The following KDM4B variants were observed in gnomAD, a reference collection of about 807,000 sequenced individuals.
The protein encoded by KDM4B is lysine demethylase 4B.
Under a neutral mutation model 125.2 loss-of-function variants are expected in KDM4B, and 32 were observed. The observed-to-expected ratio is 0.26, with a 90% CI of 0.19 to 0.34. The LOEUF is 0.34. KDM4B is among the 10% of genes least tolerant of loss of function. The pLI is 1.00. For synonymous variants in KDM4B, 721 were observed against 677.9 expected (o/e 1.06, Z -0.99); for missense variants, 1,190 against 1,577.7 (o/e 0.75, Z 4.16).
chr19:5,131,526 C>T lies in KDM4B; in HGVS notation c.1766C>T (p.Ala589Val), dbSNP rs929402730. Reference sequence around the variant, plus strand: ...GGGGCAGGTCGCATGGAGACCAAAGCCCGGGCCGGAGAGGGGCAGGTGGGG... The same window carrying T: ...GGGGCAGGTCGCATGGAGACCAAAGTCCGGGCCGGAGAGGGGCAGGTGGGG... ...SSGAGRMETK[A>V]RAGEGQAPST... is the part of the protein sequence containing the mutation. Residue 589 changes from alanine (A) to valine (V), a missense_variant, in exon 12 of 23, where the codon GCC becomes GTC. By Grantham distance (64) the Ala-to-Val change is moderately conservative (BLOSUM62 0). Around this residue, in one of 7 missense-constraint regions of KDM4B, gnomAD observed 428 missense variants for 405.1 expected, o/e 1.06. Coordinates refer to ENST00000159111, the MANE Select transcript of KDM4B (RefSeq NM_015015.3). 6.4e-6 allele frequency: 8 copies of T among 1,254,142 alleles called. No homozygotes were observed. Among genetic ancestry groups the T allele is most frequent in the Non-Finnish European group, 7.1e-6 (7 of 986,244 alleles). 77.7% of individuals were successfully genotyped at this position (1,254,142 alleles called of 1,614,324 possible). A position where few individuals can be genotyped will look rare whatever the true frequency, so the allele number is the denominator to read the frequency against.
chr19:5,060,100 T>A (rs2037537512), intron 6 of KDM4B, among the ~76,000 whole-genome samples: 1 of 152,156 alleles, frequency 6.6e-6, no homozygotes, highest in South Asian at 2.1e-4. Context: ...GCTGGGCTCA[T>A]GTGGGAGCTG....
At position 5,002,006 on chromosome 19, in the gene KDM4B, T is replaced by G. The variant is rs532959325; in HGVS notation, c.-108-14251T>G. 2.6e-5 allele frequency among the ~76,000 whole-genome samples: 4 copies of G among 152,068 alleles called. No homozygotes were observed. In the South Asian group the frequency reaches 8.3e-4, roughly 32 times the overall value. On this transcript the variant is annotated intron_variant, in intron 1 of 22. Coordinates refer to ENST00000159111, the MANE Select transcript of KDM4B (RefSeq NM_015015.3). ...TCCTTTGTGTTTTTTTTTTCTTTTT[T>G]TTTCTTTTTGAGACTGAATCTTGTT... is the stretch of plus-strand genomic sequence containing the variant.
At position 5,018,265 on chromosome 19, in the gene KDM4B, T is replaced by A. The variant is rs184651353; in HGVS notation, c.-26+1926T>A. On this transcript the variant is annotated intron_variant, in intron 2 of 22. Transcript: ENST00000159111. ...CTGGTCTCAAATTCCTGGCCTCAAA[T>A]GATCCTCCCACCTCAACCTCCCAAT... 1.5e-3 allele frequency among the ~76,000 whole-genome samples: 226 copies of A among 152,332 alleles called. 2 individuals carry two copies. The highest frequency in any genetic ancestry group is 0.013 in the Admixed American group (205 of 15,302).
chr19:5,014,554 C>T (rs543356210), intron 1 of KDM4B, among the ~76,000 whole-genome samples: 1 of 151,980 alleles, frequency 6.6e-6, no homozygotes, highest in African/African-American at 2.4e-5. Flanking sequence ...GGATTACAGG[C>T]GTGAGCCACC....
At chr19:5,070,818 C>T in intron 6 of KDM4B, 192 bp from the exon 7 acceptor site, 1 of 537,820 alleles carries the variant, frequency 1.9e-6, no homozygotes, top group Middle Eastern at 2.8e-4. Context: ...ACCTGCCCCA[C>T]CTCGCTTCCT....
chr19:5,011,181 G>A (rs917460391), intron 1 of KDM4B, among the ~76,000 whole-genome samples: 5 of 152,130 alleles, frequency 3.3e-5, no homozygotes, highest in African/African-American at 1.2e-4. Flanking sequence ...CCCCAGCCCT[G>A]GAATTGACCA....
intron 9 of KDM4B, among the ~76,000 whole-genome samples, chr19:5,106,118 A>G (rs2039028671): frequency 6.6e-6 from 1 of 152,190 alleles, no homozygotes; most frequent in South Asian, 2.1e-4. Context: ...TCTTCAGGTA[A>G]CAGACACATC....
At position 4,971,895 on chromosome 19, in the gene KDM4B, C is replaced by T. The variant is rs545484952; in HGVS notation, c.-109+2665C>T. Among the ~76,000 whole-genome samples, 23 of 135,070 alleles carry T rather than the reference C, an allele frequency of 1.7e-4. No homozygotes were observed. Among genetic ancestry groups the T allele is most frequent in the African/African-American group, 5.2e-4 (19 of 36,206 alleles). The allele number at this position is 135,070 out of a possible 152,430, so 88.6% of individuals were successfully genotyped here. ...AGCAGATCGGGGGCACTAAATCTTT[C>T]GGAGCCCACTGGGCAGGAGGGGACG... On this transcript the variant is annotated intron_variant, in intron 1 of 22. Coordinates refer to ENST00000159111, the MANE Select transcript of KDM4B (RefSeq NM_015015.3). The surrounding 1 kb of genome is among the most constrained non-coding windows in gnomAD (Gnocchi z 4.1).
chr19:5,030,422 G>A (rs1302664072), intron 2 of KDM4B, among the ~76,000 whole-genome samples: 1 of 152,234 alleles, frequency 6.6e-6, no homozygotes, highest in African/African-American at 2.4e-5. Flanking sequence ...CCAGTCCTGT[G>A]GGGCAGGTGG....
intron 5 of KDM4B, among the ~76,000 whole-genome samples, chr19:5,041,656 C>T (rs555686459): frequency 1.3e-5 from 2 of 152,260 alleles, no homozygotes; most frequent in Admixed American, 6.5e-5. Flanking sequence ...GCTCAGGGCC[C>T]GGAGACACTG....
intron 5 of KDM4B, 49 bp from the exon 6 acceptor site, chr19:5,047,427 G>C (rs2037061102): frequency 3.3e-5 from 51 of 1,537,636 alleles, no homozygotes; most frequent in Non-Finnish European, 4.3e-5. Flanking sequence ...GGGCTCGCAG[G>C]TTCTGGGGGT....
At chr19:5,071,604 C>A (rs181398681) in intron 7 of KDM4B, among the ~76,000 whole-genome samples, 19 of 152,302 alleles carry the variant, frequency 1.2e-4, no homozygotes, top group Admixed American at 1.0e-3. Context: ...CCTGGGGACT[C>A]TTGGGAAAGA....
At chr19:5,015,640 A>G (rs1461935529) in intron 1 of KDM4B, among the ~76,000 whole-genome samples, 1 of 152,174 alleles carries the variant, frequency 6.6e-6, no homozygotes, top group Admixed American at 6.5e-5. Context: ...ACTTGAGGCC[A>G]GGAGCTCGAG....
chr19:5,023,758 ATTTTT>A (rs148293792), intron 2 of KDM4B, among the ~76,000 whole-genome samples: 14 of 89,118 alleles, frequency 1.6e-4, no homozygotes, highest in African/African-American at 4.2e-4. Flanking sequence ...GTCTTTTTGA[ATTTTT>A]TTTTTTTTTT....
intron 11 of KDM4B, among the ~76,000 whole-genome samples, chr19:5,122,302 C>T (rs989092420): frequency 7.2e-5 from 11 of 152,220 alleles, no homozygotes; most frequent in Non-Finnish European, 1.5e-4. Context: ...ACCTTCTACC[C>T]GGTGAGGACC....
intron 1 of KDM4B, among the ~76,000 whole-genome samples, chr19:4,981,077 G>A (rs1489091707): frequency 6.6e-6 from 1 of 152,092 alleles, no homozygotes; most frequent in East Asian, 1.9e-4. Flanking sequence ...GTCATTAGTG[G>A]CGAGTCCGCG....
chr19:4,973,310 T>C (rs2034325395), intron 1 of KDM4B, among the ~76,000 whole-genome samples: 1 of 152,140 alleles, frequency 6.6e-6, no homozygotes, highest in Admixed American at 6.5e-5. Flanking sequence ...GGCCTCAGCC[T>C]CCCGAGTAGC....
At chr19:5,094,822 A>C (rs1386220261) in intron 9 of KDM4B, among the ~76,000 whole-genome samples, 2 of 152,044 alleles carry the variant, frequency 1.3e-5, no homozygotes. Context: ...TGAACCCTCC[A>C]CTCCTCAGTC....
chr19:5,036,281 A>C (rs1440301742), intron 3 of KDM4B, among the ~76,000 whole-genome samples: 1 of 152,176 alleles, frequency 6.6e-6, no homozygotes, highest in East Asian at 1.9e-4. Flanking sequence ...TTGGTTATAC[A>C]TCGCCCCTGC....
Sources: gnomAD v4.1 joint callset for allele counts (sites outside exome capture counted in the v4.1 genomes callset) on GRCh38, gnomAD v4.1.1 for gene constraint, gnomAD v4.1.1 regional missense constraint, Gnocchi (gnomAD v3.1) non-coding constraint, MANE v1.5 for transcripts, NCBI Gene and HGNC (gene_info 2026-07-23, HGNC 2026-07-21) for gene names.